Variants in SIK3 observed in about 807,000 individuals in gnomAD.
The protein encoded by SIK3 is serine/threonine-protein kinase SIK3.
A neutral mutation model predicts 144.2 loss-of-function variants in SIK3; 28 were observed. That is an observed-to-expected ratio of 0.19 (90% CI 0.14 to 0.27). The LOEUF (loss-of-function observed/expected upper bound fraction) is 0.27, where lower values mean the gene tolerates loss of function less well. Ranked by LOEUF, SIK3 falls within the 10% of genes least tolerant of loss-of-function variation. SIK3 has a pLI of 1.00. For missense variants in SIK3, 1,319 were observed against 1,776.0 expected (o/e 0.74, Z 4.62); for synonymous variants, 686 against 676.3 (o/e 1.01, Z -0.22).
chr11:117,065,363 T>G (rs1181236772), intron 1 of SIK3, among the ~76,000 whole-genome samples: 2 of 151,954 alleles, frequency 1.3e-5, no homozygotes, highest in African/African-American at 4.8e-5. Flanking sequence ...TAAAAGTCCA[T>G]TAGTCTATTA....
At chr11:116,965,754 T>TAC (rs1949511849) in intron 1 of SIK3, among the ~76,000 whole-genome samples, 3 of 9,718 alleles carry the variant, frequency 3.1e-4, no homozygotes, top group African/African-American at 6.7e-4. Flanking sequence ...TATATATATA[T>TAC]ATATATATAT....
chr11:117,002,485 A>C (rs1341021975), intron 1 of SIK3, among the ~76,000 whole-genome samples: 2 of 152,168 alleles, frequency 1.3e-5, no homozygotes, highest in African/African-American at 4.8e-5. Context: ...CCAAAATACC[A>C]GCATCCGTCT....
At position 117,084,374 on chromosome 11, in the gene SIK3, C is replaced by A. The variant is rs534203287; in HGVS notation, c.273+13769G>T. On this transcript the variant is annotated intron_variant, in intron 1 of 24. Transcript: ENST00000445177. The stretch of plus-strand genomic sequence containing the variant: ...CTGCCTCCCAGGTTCAAGCAATTCT[C>A]CTGCCTCAGACCTCTCGAGTAGCTA... 3.5e-4 allele frequency among the ~76,000 whole-genome samples: 53 copies of A among 152,250 alleles called. 1 individual carries two copies. The highest frequency in any genetic ancestry group is 1.3e-3 in the African/African-American group (53 of 41,566).
intron 1 of SIK3, among the ~76,000 whole-genome samples, chr11:117,061,276 A>T (rs536062248): frequency 7.2e-5 from 11 of 152,280 alleles, no homozygotes; most frequent in Non-Finnish European, 1.6e-4. Flanking sequence ...ATTCATTAAA[A>T]AAAAAATTTT....
chr11:117,028,384 T>C (rs1200887302), intron 1 of SIK3, among the ~76,000 whole-genome samples: 1 of 152,156 alleles, frequency 6.6e-6, no homozygotes, highest in Non-Finnish European at 1.5e-5. Flanking sequence ...GAGTACACAG[T>C]TCCTGCTCTA....
chr11:116,880,919 T>C (rs1043571633), intron 6 of SIK3, among the ~76,000 whole-genome samples: 9 of 151,874 alleles, frequency 5.9e-5, no homozygotes, highest in African/African-American at 2.2e-4. Flanking sequence ...AGGCTAGGAG[T>C]TCGAGACCAG....
chr11:116,932,886 T>TCC (rs1158244498), intron 3 of SIK3, among the ~76,000 whole-genome samples: 1 of 152,070 alleles, frequency 6.6e-6, no homozygotes, highest in African/African-American at 2.4e-5. Flanking sequence ...AGCCTTGACC[T>TCC]CCTCCCACCT....
intron 3 of SIK3, among the ~76,000 whole-genome samples, chr11:116,934,925 CA>C (rs1296962761): frequency 4.0e-5 from 6 of 149,274 alleles, no homozygotes; most frequent in African/African-American, 4.9e-5. Flanking sequence ...ACTCAAAATA[CA>C]AAAAAAAAAT....
In SIK3 at chr11:116,857,942, G is replaced by A; in HGVS notation, c.3523C>T (p.Leu1175Phe). ...TCCCCAGGTCCACCGGTACTCAAGA[G>A]CAGAGGGCTGTCATGGCAACCTTTG... ...LTKGCHDSPL[L>F]LSTGGPGDPE... Residue 1175 changes from leucine to phenylalanine, a missense_variant, in exon 21 of 25, where the codon CTC becomes TTC. By Grantham distance (22) the Leu-to-Phe change is conservative. Transcript: ENST00000445177. 1 of 1,614,208 alleles carries A rather than the reference G, an allele frequency of 6.2e-7. No homozygotes were observed. The highest frequency in any genetic ancestry group is 8.5e-7 in the Non-Finnish European group (1 of 1,180,040).
intron 1 of SIK3, among the ~76,000 whole-genome samples, chr11:117,027,437 C>T (rs4938324): frequency 0.32 from 47,854 of 151,474 alleles, 8,623 homozygotes; most frequent in African/African-American, 0.5. Context: ...CTTTTTTTTT[C>T]TTTTTTTTAT....
At chr11:116,913,893 AAAAC>A (rs1307851481) in intron 4 of SIK3, among the ~76,000 whole-genome samples, 6 of 150,202 alleles carry the variant, frequency 4.0e-5, no homozygotes, top group African/African-American at 7.5e-5. Flanking sequence ...GTGTCTCAAA[AAAAC>A]AAACAAATAA....
intron 1 of SIK3, among the ~76,000 whole-genome samples, chr11:117,017,519 TAA>T (rs1052594593): frequency 2.6e-5 from 3 of 114,486 alleles, no homozygotes; most frequent in African/African-American, 7.5e-5. Flanking sequence ...AAACATTCAA[TAA>T]AACAAATGTT....
Position 116,844,623 on chromosome 11 carries a change from AT to A in SIK3, c.*1019del, listed in dbSNP as rs1280518052. 7 of 55,292 alleles carry A rather than the reference AT, an allele frequency of 1.3e-4. No homozygotes were observed. The highest frequency in any genetic ancestry group is 1.8e-4 in the African/African-American group (4 of 22,190). The allele number at this position is 55,292 out of a possible 1,614,324, so 3.4% of individuals were successfully genotyped here. ...TATATATATATTATATATATAATAT[AT>A]ATATAATATATTATATTATATATTA... is the stretch of plus-strand genomic sequence containing the variant. On this transcript the variant is annotated 3_prime_UTR_variant, in exon 25 of 25. Transcript: ENST00000445177.
intron 6 of SIK3, among the ~76,000 whole-genome samples, chr11:116,877,372 T>C (rs1015495917): frequency 3.9e-5 from 6 of 152,060 alleles, no homozygotes; most frequent in Non-Finnish European, 8.8e-5. Flanking sequence ...TAATGAAGAG[T>C]AGAATGGCCT....
intron 1 of SIK3, among the ~76,000 whole-genome samples, chr11:117,007,533 G>C (rs539966847): frequency 6.6e-6 from 1 of 152,220 alleles, no homozygotes; most frequent in African/African-American, 2.4e-5. Flanking sequence ...GGAAGGGAGA[G>C]GAGGGGTGAG....
chr11:116,945,313 C>T (rs1039297903), intron 3 of SIK3, among the ~76,000 whole-genome samples: 1 of 150,978 alleles, frequency 6.6e-6, no homozygotes, highest in Admixed American at 6.6e-5. Flanking sequence ...TCTCTCCAAC[C>T]TTCATATGCC....
At chr11:117,058,899 T>C (rs150290846) in intron 1 of SIK3, among the ~76,000 whole-genome samples, 323 of 152,256 alleles carry the variant, frequency 2.1e-3, no homozygotes, top group South Asian at 4.8e-3. Flanking sequence ...CTGCATGGCA[T>C]GTGGGAAAGA....
At chr11:117,070,651 G>A (rs1954225266) in intron 1 of SIK3, among the ~76,000 whole-genome samples, 1 of 151,922 alleles carries the variant, frequency 6.6e-6, no homozygotes, top group Non-Finnish European at 1.5e-5. Flanking sequence ...TCGCCATGTT[G>A]GCCAGGCTGG....
At chr11:117,030,108 T>C (rs938016007) in intron 1 of SIK3, among the ~76,000 whole-genome samples, 3 of 152,116 alleles carry the variant, frequency 2.0e-5, no homozygotes, top group Admixed American at 1.3e-4. Context: ...GTGAGTAACA[T>C]GAACATTTAT....
Sources: allele counts gnomAD v4.1 joint callset (sites outside exome capture counted in the v4.1 genomes callset), GRCh38; gene constraint gnomAD v4.1.1; transcripts MANE v1.5; gene names NCBI Gene and HGNC (gene_info 2026-07-23, HGNC 2026-07-21).